The following LAMB2 variants were observed in gnomAD, a reference collection of about 807,000 sequenced individuals.
LAMB2 encodes the protein laminin subunit beta 2.
Under a neutral mutation model 202.7 loss-of-function variants are expected in LAMB2, and 119 were observed. The ratio of observed to expected loss-of-function variants is 0.59; its 90% CI spans 0.51 to 0.68. The LOEUF (loss-of-function observed/expected upper bound fraction) is 0.68. LAMB2 is among the 30% of genes least tolerant of loss of function. The probability of loss-of-function intolerance (pLI) is 0.00; values close to 1 mark genes in which losing one functional copy is unlikely to be tolerated. For synonymous variants in LAMB2, 818 were observed against 902.2 expected (o/e 0.91, Z 1.67); for missense variants, 2,124 against 2,410.6 (o/e 0.88, Z 2.49).
Position 49,121,814 on chromosome 3 carries a change from C to CCTGCAG in LAMB2, c.4964_4969dup (p.Ala1656_Gly1657insAlaAla). ...AGCATCCAACTGCCGAGCCCTTTCA[C>CCTGCAG]CTGCAGAGCTCAGTGCCCGCTCTGC... On this transcript the variant is annotated inframe_insertion, in exon 30 of 32. Transcript: ENST00000305544. The CCTGCAG allele has an allele frequency of 6.2e-7, 1 of 1,613,192 alleles. No homozygotes were observed. The highest frequency in any genetic ancestry group is 8.5e-7 in the Non-Finnish European group (1 of 1,180,014).
rs1388408148 is a variant in LAMB2 at position 49,125,475 on chromosome 3, C to T, written c.2498G>A (p.Cys833Tyr). Residue 833 changes from cysteine to tyrosine, a missense_variant, in exon 19 of 32, where the codon TGC becomes TAC. Coordinates refer to ENST00000305544, the MANE Select transcript of LAMB2 (RefSeq NM_002292.4). ...ACTGCTGAGTGCCCCCTCGTGGCTG[C>T]ACTGGCAGGCTAGGAGCAAGGCAGA... ...FGPTGCQACQ[C>Y]SHEGALSSLC... 3.8e-6 allele frequency: 6 copies of T among 1,596,298 alleles called. No homozygotes were observed. Among genetic ancestry groups the T allele is most frequent in the Non-Finnish European group, 4.3e-6 (5 of 1,171,700 alleles).
intron 16 of LAMB2, 72 bp downstream of exon 16, chr3:49,126,293 C>A (rs1302261958): frequency 3.3e-5 from 53 of 1,611,030 alleles, no homozygotes; most frequent in Non-Finnish European, 1.1e-5. Context: ...GCCACAGACC[C>A]CTGCTATCCC....
Position 49,123,920 on chromosome 3 carries a change from T to C in LAMB2, c.3605A>G (p.Gln1202Arg). The change falls in exon 24 of 32, where the codon CAG (glutamine) becomes CGG (arginine). Residue 1202 changes from glutamine to arginine, a missense_variant. This residue lies in a region of LAMB2 where 1,702 missense variants were observed against 1,896.3 expected (regional missense o/e 0.90). Coordinates refer to ENST00000305544, the MANE Select transcript of LAMB2 (RefSeq NM_002292.4). ...GCGCTGTGTACGGGCTGCCAAGTCC[T>C]GCACCACTCGGTCCCAATCCCCGAA... Reference protein sequence around the residue: ...ACFGDWDRVVQDLAARTQRLE... With the variant: ...ACFGDWDRVVRDLAARTQRLE... 6.2e-7 allele frequency: 1 copy of C among 1,613,318 alleles called. No homozygotes were observed. Among genetic ancestry groups the C allele is most frequent in the Non-Finnish European group, 8.5e-7 (1 of 1,180,032 alleles).
In LAMB2 at chr3:49,122,266, C is replaced by A. The variant is rs768495334; in HGVS notation, c.4678G>T (p.Ala1560Ser). Reference protein sequence around the residue: ...EQIQHLAGAIAERVRSLADVD... With the variant: ...EQIQHLAGAISERVRSLADVD... Reference sequence around the variant, plus strand: ...TCTGCCAGGCTCCGGACTCGCTCTGCAATCGCACCCGCCAGGTGCTGGATC... The same window carrying A: ...TCTGCCAGGCTCCGGACTCGCTCTGAAATCGCACCCGCCAGGTGCTGGATC... Residue 1560 changes from alanine (A) to serine (S), a missense_variant, in exon 28 of 32, where the codon GCA becomes TCA. By Grantham distance (99) the Ala-to-Ser change is moderately conservative. This residue lies in a region of LAMB2 where 1,702 missense variants were observed against 1,896.3 expected (regional missense o/e 0.90). Coordinates refer to ENST00000305544, the MANE Select transcript of LAMB2 (RefSeq NM_002292.4). 5.0e-6 allele frequency: 8 copies of A among 1,613,530 alleles called. No homozygotes were observed. The highest frequency in any genetic ancestry group is 6.8e-6 in the Non-Finnish European group (8 of 1,180,040).
rs2107643140 is a variant in LAMB2, at chr3:49,129,763, C to T, written c.1406-47G>A. On this transcript the variant is annotated intron_variant, in intron 10 of 31. Transcript: ENST00000305544. This position sits in a 1 kb window ranked among gnomAD's most constrained non-coding sequence, Gnocchi z 6.1. Reference sequence around the variant, plus strand: ...AGCACTTTGGGAAACTGTGGCAGTGCTCATGTTCAGCTGAGTCAGGAGTAA... The same window carrying T: ...AGCACTTTGGGAAACTGTGGCAGTGTTCATGTTCAGCTGAGTCAGGAGTAA... The T allele has an allele frequency of 6.2e-7, 1 of 1,609,326 alleles. No homozygotes were observed. The highest frequency in any genetic ancestry group is 1.1e-5 in the South Asian group (1 of 91,000).
At position 49,121,712 on chromosome 3, in the gene LAMB2, G is replaced by A. The variant is rs1192815262; in HGVS notation, c.5072C>T (p.Ala1691Val). 11 of 1,613,820 alleles carry A rather than the reference G, an allele frequency of 6.8e-6. No individual in the cohort carries two copies. Among genetic ancestry groups the A allele is most frequent in the Non-Finnish European group, 7.6e-6 (9 of 1,180,044 alleles). The change falls in exon 30 of 32, where the codon GCC becomes GTC. Residue 1691 changes from alanine (A) to valine (V), a missense_variant. By Grantham distance (64) the Ala-to-Val change is moderately conservative. Transcript: ENST00000305544. The part of the protein sequence containing the change: ...ASTAEETAGS[A>V]QGRAQEAEQL... ...CTCAGCCTCCTGGGCACGACCCTGG[G>A]CACTGCCTGCCGTTTCTTCTGCTGT...
At chr3:49,123,684 G>A in intron 24 of LAMB2, 44 bp downstream of exon 24, 1 of 1,613,694 alleles carries the variant, frequency 6.2e-7, no homozygotes, top group South Asian at 1.1e-5. Context: ...TGGTCCACTG[G>A]GCCTCTGCCC....
Position 49,128,669 on chromosome 3 carries a change from C to T in LAMB2, c.1882G>A (p.Glu628Lys). ...AGATAACAGGGTCTAACCTGGGGCTCTAAGCGCAGCAGCAGGTCATAGTCC... is the reference window on the plus strand; with the variant it reads ...AGATAACAGGGTCTAACCTGGGGCTTTAAGCGCAGCAGCAGGTCATAGTCC... ...AMDYDLLLRL[E>K]PQVPEQWAEL... is the part of the protein sequence containing the mutation. Residue 628 changes from glutamate (E) to lysine (K), a missense_variant, in exon 14 of 32, where the codon GAG becomes AAG. Around this residue, in one of 3 missense-constraint regions of LAMB2, gnomAD observed 1,702 missense variants for 1,896.3 expected, o/e 0.90. Transcript: ENST00000305544. 1.9e-6 allele frequency: 3 copies of T among 1,614,180 alleles called. No homozygotes were observed. Among genetic ancestry groups the T allele is most frequent in the Non-Finnish European group, 1.7e-6 (2 of 1,180,036 alleles).
chr3:49,129,746 G>T lies in LAMB2; in HGVS notation c.1406-30C>A, dbSNP rs1333823071. 6.2e-7 allele frequency: 1 copy of T among 1,608,368 alleles called. No individual in the cohort carries two copies. Among genetic ancestry groups the T allele is most frequent in the South Asian group, 1.1e-5 (1 of 90,934 alleles). On this transcript the variant is annotated intron_variant, in intron 10 of 31. Coordinates refer to ENST00000305544, the MANE Select transcript of LAMB2 (RefSeq NM_002292.4). The surrounding 1 kb of genome is among the most constrained non-coding windows in gnomAD (Gnocchi z 6.1). ...AGGGAAGGAGAACCATCAGCACTTT[G>T]GGAAACTGTGGCAGTGCTCATGTTC...
intron 15 of LAMB2, 63 bp from the exon 16 acceptor site, chr3:49,126,560 C>T: frequency 1.2e-6 from 2 of 1,602,140 alleles, no homozygotes; most frequent in African/African-American, 2.7e-5. Context: ...TCATCTGGGC[C>T]TCCCCCATCC....
chr3:49,130,156 T>C lies in LAMB2; in HGVS notation c.1225+75A>G. 6.3e-7 allele frequency: 1 copy of C among 1,594,328 alleles called. No individual in the cohort carries two copies. Among genetic ancestry groups the C allele is most frequent in the Non-Finnish European group, 8.6e-7 (1 of 1,164,800 alleles). On this transcript the variant is annotated intron_variant, in intron 9 of 31. Transcript: ENST00000305544. The surrounding 1 kb of genome is among the most constrained non-coding windows in gnomAD (Gnocchi z 5.0). ...AGCCCCTAACCCCAATTTCCTGCAA[T>C]TTAGACAGCAGTCCAGCTCTCTAGT...
chr3:49,126,554 C>G (rs1330320519), intron 15 of LAMB2, 57 bp from the exon 16 acceptor site: 1 of 1,608,098 alleles, frequency 6.2e-7, no homozygotes, highest in East Asian at 2.2e-5. Context: ...TACAAATCAT[C>G]TGGGCCTCCC....
At position 49,128,712 on chromosome 3, in the gene LAMB2, G is replaced by A; in HGVS notation, c.1839C>T (p.Ala613=). Residue 613 remains alanine (A), a synonymous_variant, in exon 14 of 32, where the codon GCC becomes GCT. Coordinates refer to ENST00000305544, the MANE Select transcript of LAMB2 (RefSeq NM_002292.4). Reference sequence around the variant, plus strand: ...CATAGTCCATAGCCTTCGGCACAGAGGCCACCAGGAACTCCAGGGTCTGAC... The same window carrying A: ...CATAGTCCATAGCCTTCGGCACAGAAGCCACCAGGAACTCCAGGGTCTGAC... ...QEGQTLEFLV[A]SVPKAMDYDL... is the part of the protein sequence containing the mutation. The A allele has an allele frequency of 5.0e-6, 8 of 1,614,152 alleles. No individual in the cohort carries two copies. Among genetic ancestry groups the A allele is most frequent in the Non-Finnish European group, 6.8e-6 (8 of 1,180,034 alleles).
rs555885061 is a variant in LAMB2, at chr3:49,122,195, G to A, written c.4749C>T (p.Ala1583=). The change falls in exon 28 of 32, where the codon GCC becomes GCT. Residue 1583 remains alanine (A), a synonymous_variant. Coordinates refer to ENST00000305544, the MANE Select transcript of LAMB2 (RefSeq NM_002292.4). ...GCCGTGCATCCTGCAGTAGCTGCTC[G>A]GCACGACGCACATCTCCTACAGTAC... ...LARTVGDVRR[A]EQLLQDARRA... The A allele has an allele frequency of 3.1e-5, 50 of 1,613,468 alleles. No individual in the cohort carries two copies. In the Admixed American group the frequency reaches 5.3e-4, roughly 17 times the overall value.
rs547498421 is a variant in LAMB2 at position 49,125,467 on chromosome 3, C to T, written c.2506G>A (p.Glu836Lys). ...TGCQACQCSH[E>K]GALSSLCEKT... ...TCACAGAGACTGCTGAGTGCCCCCT[C>T]GTGGCTGCACTGGCAGGCTAGGAGC... The change falls in exon 19 of 32, where the codon GAG (glutamate) becomes AAG (lysine). Residue 836 changes from glutamate (E) to lysine (K), a missense_variant. Transcript: ENST00000305544. 8 of 1,583,390 alleles carry T rather than the reference C, an allele frequency of 5.1e-6. No homozygotes were observed. Among genetic ancestry groups the T allele is most frequent in the Middle Eastern group, 1.7e-4 (1 of 5,948 alleles).
rs748400814 is a variant in LAMB2 at position 49,130,165 on chromosome 3, C to A, written c.1225+66G>T. 6.3e-7 allele frequency: 1 copy of A among 1,597,554 alleles called. No individual in the cohort carries two copies. The highest frequency in any genetic ancestry group is 1.7e-5 in the Admixed American group (1 of 58,674). On this transcript the variant is annotated intron_variant, in intron 9 of 31. Transcript: ENST00000305544. The surrounding 1 kb of genome is among the most constrained non-coding windows in gnomAD (Gnocchi z 5.0). ...CCCCAATTTCCTGCAATTTAGACAG[C>A]AGTCCAGCTCTCTAGTTCCTGCCCC...
Position 49,131,559 on chromosome 3 carries a change from C to T in LAMB2, c.624G>A (p.Glu208=), listed in dbSNP as rs768371856. Reference sequence around the variant, plus strand: ...CCTCGCCTTCAGTGGATGGCTCAATCTCTGAGTAGCGGGACTCACAGACTA... The same window carrying T: ...CCTCGCCTTCAGTGGATGGCTCAATTTCTGAGTAGCGGGACTCACAGACTA... ...DDVVCESRYS[E]IEPSTEGEVI... The change falls in exon 5 of 32, where the codon GAG becomes GAA. Residue 208 remains glutamate, a synonymous_variant. Transcript: ENST00000305544. This position sits in a 1 kb window ranked among gnomAD's most constrained non-coding sequence, Gnocchi z 5.0. 2 of 1,613,960 alleles carry T rather than the reference C, an allele frequency of 1.2e-6. No individual in the cohort carries two copies. The highest frequency in any genetic ancestry group is 1.1e-5 in the South Asian group (1 of 91,082).
In LAMB2 at chr3:49,131,739, T is replaced by C. The variant is rs1301607132; in HGVS notation, c.460-16A>G. On this transcript the variant is annotated splice_polypyrimidine_tract_variant and intron_variant, in intron 4 of 31. Transcript: ENST00000305544. The surrounding 1 kb of genome is among the most constrained non-coding windows in gnomAD (Gnocchi z 5.0). Reference sequence around the variant, plus strand: ...GGCGAAATGTCTGGGTAGGGGGGCATAGCTGATCAGCAGGCACCAGGACCC... The same window carrying C: ...GGCGAAATGTCTGGGTAGGGGGGCACAGCTGATCAGCAGGCACCAGGACCC... 8.7e-6 allele frequency: 14 copies of C among 1,612,340 alleles called. No individual in the cohort carries two copies. The highest frequency in any genetic ancestry group is 1.1e-5 in the Non-Finnish European group (13 of 1,179,950).
chr3:49,130,642 C>A lies in LAMB2; in HGVS notation c.1036+98G>T. On this transcript the variant is annotated intron_variant, in intron 8 of 31. Transcript: ENST00000305544. This position sits in a 1 kb window ranked among gnomAD's most constrained non-coding sequence, Gnocchi z 5.0. Reference sequence around the variant, plus strand: ...AGGTCTGCATACTCTTTGGATACAGCCTGGGTTTTAGGGGCTTGACCAACT... The same window carrying A: ...AGGTCTGCATACTCTTTGGATACAGACTGGGTTTTAGGGGCTTGACCAACT... 1 of 1,574,834 alleles carries A rather than the reference C, an allele frequency of 6.3e-7. No homozygotes were observed.
Sources: allele counts gnomAD v4.1 joint callset, GRCh38; gene constraint gnomAD v4.1.1; regional missense constraint gnomAD v4.1.1; non-coding constraint Gnocchi (gnomAD v3.1); transcripts MANE v1.5; gene names NCBI Gene and HGNC (gene_info 2026-07-23, HGNC 2026-07-21).